Variants in PDCD1 observed in about 807,000 individuals in gnomAD.
PDCD1 encodes programmed cell death 1.
Under a neutral mutation model 23.6 loss-of-function variants are expected in PDCD1, and 10 were observed. That is an observed-to-expected ratio of 0.42 (90% CI 0.26 to 0.72). The LOEUF is 0.72. Ranked by LOEUF, PDCD1 falls within the 30% of genes least tolerant of loss-of-function variation. The pLI is 0.24. For synonymous variants in PDCD1, 168 were observed against 169.3 expected (o/e 0.99, Z 0.06); for missense variants, 313 against 397.8 (o/e 0.79, Z 1.81).
Position 241,852,990 on chromosome 2 carries a change from G to A in PDCD1, c.77-10C>T. On this transcript the variant is annotated splice_polypyrimidine_tract_variant and intron_variant, in intron 1 of 4. Coordinates refer to ENST00000334409, the MANE Select transcript of PDCD1 (RefSeq NM_005018.3). Reference sequence around the variant, plus strand: ...GGCCTGTCTGGGGAGTCTGAGAGATGGAGAGAGGTGAGGAAGGGGCTGGGT... The same window carrying A: ...GGCCTGTCTGGGGAGTCTGAGAGATAGAGAGAGGTGAGGAAGGGGCTGGGT... 6.5e-7 allele frequency: 1 copy of A among 1,544,798 alleles called. No individual in the cohort carries two copies. The highest frequency in any genetic ancestry group is 8.7e-7 in the Non-Finnish European group (1 of 1,150,258).
chr2:241,856,271 G>A (rs1464195095), intron 1 of PDCD1, among the ~76,000 whole-genome samples: 2 of 151,846 alleles, frequency 1.3e-5, no homozygotes, highest in Non-Finnish European at 2.9e-5. Flanking sequence ...GCCCCTCAGA[G>A]CACAGGGGAG....
intron 4 of PDCD1, 30 bp downstream of exon 4, chr2:241,851,919 T>G: frequency 6.2e-7 from 1 of 1,606,660 alleles, no homozygotes; most frequent in Admixed American, 1.7e-5. Flanking sequence ...GAAGGCACAG[T>G]GGATCATGCA....
At chr2:241,853,875 G>A (rs567399420) in intron 1 of PDCD1, among the ~76,000 whole-genome samples, 1 of 152,376 alleles carries the variant, frequency 6.6e-6, no homozygotes, top group Non-Finnish European at 1.5e-5. Flanking sequence ...CAGACCCAGT[G>A]CACTGTCACT....
In PDCD1 at chr2:241,852,795, G is replaced by T; in HGVS notation, c.262C>A (p.Gln88Lys). Residue 88 changes from glutamine (Q) to lysine (K), a missense_variant, in exon 2 of 5, where the codon CAG (glutamine) becomes AAG (lysine). Transcript: ENST00000334409. ...KLAAFPEDRS[Q>K]PGQDCRFRVT... ...CGGAAGCGGCAGTCCTGGCCGGGCT[G>T]GCTGCGGTCCTCGGGGAAGGCGGCC... 4 of 1,613,764 alleles carry T rather than the reference G, an allele frequency of 2.5e-6. No homozygotes were observed. Among genetic ancestry groups the T allele is most frequent in the Non-Finnish European group, 3.4e-6 (4 of 1,180,022 alleles).
Position 241,851,999 on chromosome 2 carries a change from C to G in PDCD1, c.593-16G>C, listed in dbSNP as rs779397029. ...CCTATTGTCCCTGCAGAGAAACACA[C>G]TTGGGGTCACCAGGCCGACCCTGAG... On this transcript the variant is annotated splice_polypyrimidine_tract_variant and intron_variant, in intron 3 of 4. Coordinates refer to ENST00000334409, the MANE Select transcript of PDCD1 (RefSeq NM_005018.3). 5.6e-6 allele frequency: 9 copies of G among 1,609,714 alleles called. No homozygotes were observed. The highest frequency in any genetic ancestry group is 7.6e-6 in the Non-Finnish European group (9 of 1,178,456).
At chr2:241,853,782 C>T (rs533708532) in intron 1 of PDCD1, among the ~76,000 whole-genome samples, 3 of 152,388 alleles carry the variant, frequency 2.0e-5, no homozygotes, top group East Asian at 1.9e-4. Flanking sequence ...GCCCGAGATG[C>T]CATGCAACGG....
intron 1 of PDCD1, 129 bp from the exon 2 acceptor site, chr2:241,853,109 T>G: frequency 8.7e-7 from 1 of 1,144,828 alleles, no homozygotes. Flanking sequence ...TTGAGAAGTC[T>G]CTGCTGGGGC....
chr2:241,852,900 T>C lies in PDCD1; in HGVS notation c.157A>G (p.Thr53Ala). The change falls in exon 2 of 5, where the codon ACC becomes GCC. Residue 53 changes from threonine (T) to alanine (A), a missense_variant. Coordinates refer to ENST00000334409, the MANE Select transcript of PDCD1 (RefSeq NM_005018.3). ...VVTEGDNATFTCSFSNTSESF... is the reference protein window; with the variant it reads ...VVTEGDNATFACSFSNTSESF... The stretch of plus-strand genomic sequence containing the variant: ...TCCGATGTGTTGGAGAAGCTGCAGG[T>C]GAAGGTGGCGTTGTCCCCTTCGGTC... 1.9e-6 allele frequency: 3 copies of C among 1,599,152 alleles called. No individual in the cohort carries two copies. The highest frequency in any genetic ancestry group is 2.5e-6 in the Non-Finnish European group (3 of 1,179,120).
At chr2:241,858,153 C>T (rs1450170288) in intron 1 of PDCD1, among the ~76,000 whole-genome samples, 1 of 152,186 alleles carries the variant, frequency 6.6e-6, no homozygotes, top group Non-Finnish European at 1.5e-5. Flanking sequence ...CAATCCCCAC[C>T]CAGGAGGGAT....
At position 241,858,755 on chromosome 2, in the gene PDCD1, C is replaced by A. The variant is rs2124872099; in HGVS notation, c.76+8G>T. 6.3e-7 allele frequency: 1 copy of A among 1,585,150 alleles called. No individual in the cohort carries two copies. The highest frequency in any genetic ancestry group is 1.3e-5 in the African/African-American group (1 of 74,152). On this transcript the variant is annotated splice_region_variant and intron_variant, in intron 1 of 4. Transcript: ENST00000334409. Reference sequence around the variant, plus strand: ...GCTCTGGGACACCTGACCGCCGACCCCACCTACCTAAGAACCATCCTGGCC... The same window carrying A: ...GCTCTGGGACACCTGACCGCCGACCACACCTACCTAAGAACCATCCTGGCC...
rs41435453 is a variant in PDCD1 at position 241,856,735 on chromosome 2, A to T, written c.76+2028T>A. On this transcript the variant is annotated intron_variant, in intron 1 of 4. Coordinates refer to ENST00000334409, the MANE Select transcript of PDCD1 (RefSeq NM_005018.3). ...GCTACTCTGGAGGCAGAGGTGGGAG[A>T]ATTGCTTGAGCCCCGGAGGTCGAGT... Among the ~76,000 whole-genome samples the T allele has an allele frequency of 5.3e-3, 810 of 152,174 alleles. 7 individuals are homozygous for T. The highest frequency in any genetic ancestry group is 0.019 in the African/African-American group (796 of 41,498).
intron 1 of PDCD1, 81 bp downstream of exon 1, chr2:241,858,682 C>A (rs1701075779): frequency 1.6e-6 from 2 of 1,278,344 alleles, no homozygotes; most frequent in East Asian, 2.5e-5. Context: ...GCCTCAGCAC[C>A]CCCCGACCTG....
chr2:241,858,717 C>T (rs1701076489), intron 1 of PDCD1, 46 bp downstream of exon 1: 1 of 1,498,822 alleles, frequency 6.7e-7, no homozygotes, highest in East Asian at 2.4e-5. Flanking sequence ...TGGAAGGTCC[C>T]TCCAGACCCC....
chr2:241,858,852 C>G lies in PDCD1; in HGVS notation c.-14G>C. ...TGGGATCTGCATGCCTGGAGCAGCC[C>G]CACCAGAGTGCCGCCTTCTCCACTG... is the stretch of plus-strand genomic sequence containing the variant. On this transcript the variant is annotated 5_prime_UTR_variant, in exon 1 of 5. Transcript: ENST00000334409. 6.4e-7 allele frequency: 1 copy of G among 1,562,314 alleles called. No individual in the cohort carries two copies. The highest frequency in any genetic ancestry group is 8.7e-7 in the Non-Finnish European group (1 of 1,152,920).
At chr2:241,855,244 G>A (rs561431949) in intron 1 of PDCD1, among the ~76,000 whole-genome samples, 1 of 151,958 alleles carries the variant, frequency 6.6e-6, no homozygotes, top group African/African-American at 2.4e-5. Context: ...TGCAGTTCAA[G>A]CAGCCCCCTC....
rs756045758 is a variant in PDCD1 at position 241,852,977 on chromosome 2, G to T, written c.80C>A (p.Ser27Tyr). 1 of 1,553,056 alleles carries T rather than the reference G, an allele frequency of 6.4e-7. No individual in the cohort carries two copies. Among genetic ancestry groups the T allele is most frequent in the Non-Finnish European group, 8.7e-7 (1 of 1,155,244 alleles). ...GGGGGGGTTCCAGGGCCTGTCTGGG[G>T]AGTCTGAGAGATGGAGAGAGGTGAG... The part of the protein sequence containing the change: ...LGWRPGWFLD[S>Y]PDRPWNPPTF... The change falls in exon 2 of 5, where the codon TCC (serine) becomes TAC (tyrosine). Residue 27 changes from serine to tyrosine, a missense_variant. This residue lies in a region of PDCD1 where 135 missense variants were observed against 166.9 expected (regional missense o/e 0.81). Transcript: ENST00000334409.
At position 241,857,448 on chromosome 2, in the gene PDCD1, G is replaced by A. The variant is rs146397178; in HGVS notation, c.76+1315C>T. On this transcript the variant is annotated intron_variant, in intron 1 of 4. Coordinates refer to ENST00000334409, the MANE Select transcript of PDCD1 (RefSeq NM_005018.3). ...GTCCCGAGGGCGTGCCTGAAGAGCC[G>A]GGACACGGGGGGAGAGGCTCGGCTC... Among the ~76,000 whole-genome samples the A allele has an allele frequency of 5.7e-3, 862 of 152,288 alleles. 4 individuals carry two copies. Among genetic ancestry groups the A allele is most frequent in the Non-Finnish European group, 7.1e-3 (482 of 68,002 alleles).
chr2:241,854,768 G>A (rs1368861656), intron 1 of PDCD1, among the ~76,000 whole-genome samples: 1 of 152,212 alleles, frequency 6.6e-6, no homozygotes. Context: ...GGCCAGGGCT[G>A]CCATGCAGCT....
At chr2:241,851,539 C>G (rs1289310307) in intron 4 of PDCD1, among the ~76,000 whole-genome samples, 1 of 152,230 alleles carries the variant, frequency 6.6e-6, no homozygotes, top group African/African-American at 2.4e-5. Flanking sequence ...CAAAATGTGA[C>G]TTTTCAAGCT....
Sources: gnomAD v4.1 joint callset for allele counts (sites outside exome capture counted in the v4.1 genomes callset) on GRCh38, gnomAD v4.1.1 for gene constraint, gnomAD v4.1.1 regional missense constraint, MANE v1.5 for transcripts, NCBI Gene and HGNC (gene_info 2026-07-23, HGNC 2026-07-21) for gene names.